TMEM266: variants seen among roughly 807,000 people sequenced by gnomAD.
TMEM266 encodes the protein Hv1 related protein 1.
A neutral mutation model predicts 50.5 loss-of-function variants in TMEM266; 33 were observed. The ratio of observed to expected loss-of-function variants is 0.65; its 90% confidence interval spans 0.50 to 0.87. The LOEUF (loss-of-function observed/expected upper bound fraction) is 0.87. TMEM266 is among the 40% of genes least tolerant of loss of function. TMEM266 has a pLI of 0.00. For synonymous variants in TMEM266, 310 were observed against 292.3 expected (o/e 1.06, Z -0.62); for missense variants, 655 against 695.1 (o/e 0.94, Z 0.65).
intron 9 of TMEM266, among the ~76,000 whole-genome samples, chr15:76,199,743 G>A (rs1343770694): frequency 2.2e-5 from 3 of 139,066 alleles, no homozygotes; most frequent in Non-Finnish European, 3.1e-5. Flanking sequence ...TAGGTCTGGA[G>A]CTTTGAGAGT....
intron 1 of TMEM266, among the ~76,000 whole-genome samples, chr15:76,105,243 C>T (rs892971794): frequency 1.3e-5 from 2 of 151,824 alleles, no homozygotes; most frequent in African/African-American, 4.8e-5. Flanking sequence ...GAGACTCCAT[C>T]TCAAAAAAAA....
At chr15:76,064,105 G>C (rs181743294) in intron 1 of TMEM266, among the ~76,000 whole-genome samples, 1 of 152,314 alleles carries the variant, frequency 6.6e-6, no homozygotes, top group East Asian at 1.9e-4. Context: ...TTCCAAAGGA[G>C]ACTCTGGATT....
Position 76,083,627 on chromosome 15 carries a change from T to G in TMEM266, c.-97+23611T>G, listed in dbSNP as rs118044989. On this transcript the variant is annotated intron_variant, in intron 1 of 10. Coordinates refer to ENST00000388942, the MANE Select transcript of TMEM266 (RefSeq NM_152335.3). ...CACACCATCTAGACCAGATTCTCCT[T>G]TTATGTGCTGGTAGACCCATCACTT... Among the ~76,000 whole-genome samples, 135 of 152,322 alleles carry G rather than the reference T, an allele frequency of 8.9e-4. 4 individuals are homozygous for G. In the East Asian group the frequency reaches 0.023, roughly 26 times the overall value.
intron 1 of TMEM266, among the ~76,000 whole-genome samples, chr15:76,089,217 T>C (rs767494178): frequency 7.9e-4 from 120 of 150,978 alleles, no homozygotes; most frequent in Non-Finnish European, 1.4e-3. Flanking sequence ...TATTTAGAGA[T>C]GGAGTCTCGC....
At chr15:76,200,336 C>T (rs960154546) in intron 9 of TMEM266, among the ~76,000 whole-genome samples, 1 of 152,166 alleles carries the variant, frequency 6.6e-6, no homozygotes, top group African/African-American at 2.4e-5. Context: ...ACTTCAGAAC[C>T]ATCTGCCTGG....
At chr15:76,102,009 C>T (rs763449748) in intron 1 of TMEM266, among the ~76,000 whole-genome samples, 3 of 152,114 alleles carry the variant, frequency 2.0e-5, no homozygotes, top group East Asian at 3.9e-4. Context: ...TGTGGGAGGC[C>T]GACAGTACTG....
At chr15:76,200,973 T>G (rs2038736372) in intron 9 of TMEM266, among the ~76,000 whole-genome samples, 1 of 152,158 alleles carries the variant, frequency 6.6e-6, no homozygotes, top group Non-Finnish European at 1.5e-5. Flanking sequence ...CTTCTGCAGC[T>G]CACAGGTGTG....
At chr15:76,200,771 GC>G (rs2038733444) in intron 9 of TMEM266, among the ~76,000 whole-genome samples, 1 of 152,226 alleles carries the variant, frequency 6.6e-6, no homozygotes, top group Admixed American at 6.5e-5. Flanking sequence ...TGGATGCCCA[GC>G]TGCAAGAAGA....
At chr15:76,193,035 G>C in intron 9 of TMEM266, among the ~76,000 whole-genome samples, 1 of 152,208 alleles carries the variant, frequency 6.6e-6, no homozygotes, top group South Asian at 2.1e-4. Context: ...CTGAGCAGCT[G>C]GGGAGGCAAG....
At chr15:76,061,478 G>A (rs537746079) in intron 1 of TMEM266, among the ~76,000 whole-genome samples, 10 of 152,258 alleles carry the variant, frequency 6.6e-5, no homozygotes, top group African/African-American at 1.9e-4. Flanking sequence ...GCCCTGAGGG[G>A]GCTTTTCCTC....
intron 5 of TMEM266, among the ~76,000 whole-genome samples, chr15:76,165,929 C>G (rs77437732): frequency 1.9e-3 from 286 of 152,228 alleles, no homozygotes; most frequent in African/African-American, 6.6e-3. Flanking sequence ...GCGGTTCCGT[C>G]GGGTGCTCCG....
intron 8 of TMEM266, among the ~76,000 whole-genome samples, chr15:76,183,222 TCTC>T (rs1457985976): frequency 3.4e-5 from 5 of 146,022 alleles, no homozygotes; most frequent in African/African-American, 1.3e-4. Flanking sequence ...TTCAAGCGAT[TCTC>T]CTGCCTCAAC....
At chr15:76,083,808 C>A (rs1033855550) in intron 1 of TMEM266, among the ~76,000 whole-genome samples, 1 of 151,980 alleles carries the variant, frequency 6.6e-6, no homozygotes, top group African/African-American at 2.4e-5. Flanking sequence ...AGTGTCTGTC[C>A]GGTGGTGGGC....
intron 10 of TMEM266, among the ~76,000 whole-genome samples, 178 bp downstream of exon 10, chr15:76,202,442 A>G (rs2038763471): frequency 6.6e-6 from 1 of 152,178 alleles, no homozygotes; most frequent in African/African-American, 2.4e-5. Flanking sequence ...CCAGCACTGG[A>G]GCTGGGGGTC....
chr15:76,148,012 A>G (rs905079092), intron 3 of TMEM266, among the ~76,000 whole-genome samples: 6 of 152,252 alleles, frequency 3.9e-5, no homozygotes, highest in Non-Finnish European at 5.9e-5. Flanking sequence ...ATACATTCAC[A>G]GATGTATTAT....
rs748503664 is a variant in TMEM266 at position 76,192,005 on chromosome 15, A to T, written c.806A>T (p.Gln269Leu). Residue 269 changes from glutamine to leucine, a missense_variant, in exon 9 of 11, where the codon CAG (glutamine) becomes CTG (leucine). Transcript: ENST00000388942. ...CAGCTGCGCGCGCACCTGGCGCAGC[A>T]GGACCTGGACCTGGCTGCCGAGCGC... 1 of 1,583,804 alleles carries T rather than the reference A, an allele frequency of 6.3e-7. No homozygotes were observed. The highest frequency in any genetic ancestry group is 8.5e-7 in the Non-Finnish European group (1 of 1,169,682).
At chr15:76,122,146 A>C (rs922086688) in intron 1 of TMEM266, among the ~76,000 whole-genome samples, 7 of 152,202 alleles carry the variant, frequency 4.6e-5, no homozygotes, top group Non-Finnish European at 1.0e-4. Flanking sequence ...GGCTGGCCTT[A>C]GTTGAGGTGA....
intron 3 of TMEM266, among the ~76,000 whole-genome samples, chr15:76,138,247 A>G (rs867424017): frequency 1.9e-4 from 28 of 145,206 alleles, no homozygotes; most frequent in African/African-American, 6.2e-4. Context: ...AAAAAAAAAA[A>G]AAATTCCCTG....
rs548482805 is a variant in TMEM266 at position 76,146,127 on chromosome 15, G to A, written c.227+8232G>A. 1.0e-3 allele frequency among the ~76,000 whole-genome samples: 152 copies of A among 152,266 alleles called. 2 individuals are homozygous for A. Among genetic ancestry groups the A allele is most frequent in the African/African-American group, 3.6e-3 (149 of 41,540 alleles). On this transcript the variant is annotated intron_variant, in intron 3 of 10. Coordinates refer to ENST00000388942, the MANE Select transcript of TMEM266 (RefSeq NM_152335.3). ...TTTCAGGGTCTGGGTGAGACCACAGGCAACAAAAGAGAAAATTCAGAGAGA... is the reference window on the plus strand; with the variant it reads ...TTTCAGGGTCTGGGTGAGACCACAGACAACAAAAGAGAAAATTCAGAGAGA...
Sources: allele counts gnomAD v4.1 joint callset (sites outside exome capture counted in the v4.1 genomes callset), GRCh38; gene constraint gnomAD v4.1.1; transcripts MANE v1.5; gene names NCBI Gene and HGNC (gene_info 2026-07-23, HGNC 2026-07-21).